PARP2: variants seen among roughly 807,000 people sequenced by gnomAD.
The protein encoded by PARP2 is poly [ADP-ribose] polymerase 2.
A neutral mutation model predicts 77.8 loss-of-function variants in PARP2; 57 were observed. The observed-to-expected ratio is 0.73, with a 90% CI of 0.59 to 0.91. The LOEUF is 0.91. PARP2 is among the 40% of genes least tolerant of loss of function. The pLI, the probability that PARP2 is intolerant of heterozygous loss-of-function variation, is 0.00. For synonymous variants in PARP2, 226 were observed against 242.6 expected (o/e 0.93, Z 0.64); for missense variants, 651 against 689.0 (o/e 0.94, Z 0.62).
chr14:20,344,788 G>T (rs1400492249), intron 1 of PARP2, 144 bp from the exon 2 acceptor site: 6 of 624,994 alleles, frequency 9.6e-6, no homozygotes, highest in South Asian at 8.1e-5. Flanking sequence ...AGTCCAGCCT[G>T]GGCGAGAGAG....
At chr14:20,355,670 T>C in intron 9 of PARP2, 82 bp from the exon 10 acceptor site, 1 of 1,029,790 alleles carries the variant, frequency 9.7e-7, no homozygotes. Flanking sequence ...CTAAAGGACC[T>C]ATCTGTCATT....
chr14:20,347,950 T>C (rs561877003), intron 4 of PARP2, among the ~76,000 whole-genome samples: 14 of 152,054 alleles, frequency 9.2e-5, no homozygotes, highest in Admixed American at 7.9e-4. Context: ...CATAGCCCAC[T>C]GCAACCTTGA....
chr14:20,356,817 T>G, intron 13 of PARP2, 128 bp downstream of exon 13: 3 of 762,212 alleles, frequency 3.9e-6, no homozygotes, highest in Non-Finnish European at 6.8e-6. Flanking sequence ...ACTGATAACC[T>G]TGTCATCTCT....
intron 4 of PARP2, among the ~76,000 whole-genome samples, chr14:20,349,779 A>G (rs925064917): frequency 7.2e-5 from 11 of 152,010 alleles, no homozygotes; most frequent in East Asian, 1.9e-4. Flanking sequence ...GTGAGCAAGC[A>G]GGAGATAGAG....
intron 9 of PARP2, chr14:20,355,283 C>T (rs946256632): frequency 1.4e-5 from 3 of 210,058 alleles, no homozygotes; most frequent in Non-Finnish European, 2.8e-5. Context: ...AACACCATTT[C>T]TGTGAACTCA....
intron 4 of PARP2, among the ~76,000 whole-genome samples, chr14:20,349,014 CCTT>C (rs1237012403): frequency 3.3e-5 from 5 of 149,998 alleles, no homozygotes; most frequent in South Asian, 2.1e-4. Flanking sequence ...GAGCAAAACT[CCTT>C]CTCAAAAAAA....
At chr14:20,352,400 T>G (rs916571615) in intron 7 of PARP2, 53 bp downstream of exon 7, 4 of 1,162,948 alleles carry the variant, frequency 3.4e-6, no homozygotes, top group Non-Finnish European at 5.1e-6. Context: ...TTTATTTTAT[T>G]TTTTAGAGGC....
At chr14:20,351,871 A>T (rs1031844430) in intron 6 of PARP2, among the ~76,000 whole-genome samples, 1 of 140,424 alleles carries the variant, frequency 7.1e-6, no homozygotes, top group African/African-American at 2.4e-5. Flanking sequence ...AAGGAAAGAA[A>T]AAAAGAGAAT....
chr14:20,355,073 A>G, intron 9 of PARP2, 126 bp downstream of exon 9: 2 of 873,854 alleles, frequency 2.3e-6, no homozygotes, highest in South Asian at 1.8e-5. Context: ...ATAGGTACAG[A>G]AACAAAATGA....
At chr14:20,347,575 A>G (rs1358929199) in intron 4 of PARP2, among the ~76,000 whole-genome samples, 2 of 148,192 alleles carry the variant, frequency 1.3e-5, no homozygotes, top group Non-Finnish European at 3.0e-5. Context: ...TGTCTGGCTA[A>G]TTTTTTGGTA....
intron 6 of PARP2, among the ~76,000 whole-genome samples, chr14:20,351,995 C>T (rs1478032664): frequency 6.6e-6 from 1 of 152,206 alleles, no homozygotes; most frequent in Non-Finnish European, 1.5e-5. Context: ...TTTGAAATCT[C>T]AATGGCTTTT....
At chr14:20,357,205 T>C (rs769135421) in intron 14 of PARP2, 56 bp downstream of exon 14, 2 of 1,430,594 alleles carry the variant, frequency 1.4e-6, no homozygotes, top group Middle Eastern at 1.7e-4. Flanking sequence ...TTTTTTCCGA[T>C]GAGAAAAGTT....
At chr14:20,343,938 T>A (rs1290110954) in intron 1 of PARP2, among the ~76,000 whole-genome samples, 1 of 152,136 alleles carries the variant, frequency 6.6e-6, no homozygotes, top group Non-Finnish European at 1.5e-5. Flanking sequence ...GTCATCCAAT[T>A]TACAAAAAGT....
At position 20,344,920 on chromosome 14, in the gene PARP2, C is replaced by G. The variant is rs1883654670; in HGVS notation, c.47-12C>G. On this transcript the variant is annotated splice_polypyrimidine_tract_variant and intron_variant, in intron 1 of 15. Transcript: ENST00000429687. The stretch of plus-strand genomic sequence containing the variant: ...TGTGTACTCATTCTTTGCTAATTTC[C>G]AAATTCTGTAGCATTAAATGAAAGC... 6.3e-7 allele frequency: 1 copy of G among 1,599,302 alleles called. No homozygotes were observed. Among genetic ancestry groups the G allele is most frequent in the Admixed American group, 1.7e-5 (1 of 59,214 alleles).
In PARP2 at chr14:20,352,349, T is replaced by C; in HGVS notation, c.600+2T>C. ...ATGGACTATGCCACCAATACTCAGG[T>C]AACTCTCACTATACTTTTCGAAAGA... On this transcript the variant is annotated splice_donor_variant, in intron 7 of 15. Coordinates refer to ENST00000429687, the MANE Select transcript of PARP2 (RefSeq NM_001042618.2). LOFTEE classifies it high-confidence loss of function. 2 of 1,509,524 alleles carry C rather than the reference T, an allele frequency of 1.3e-6. No individual in the cohort carries two copies. Among genetic ancestry groups the C allele is most frequent in the Non-Finnish European group, 1.8e-6 (2 of 1,086,246 alleles). The allele number at this position is 1,509,524 out of a possible 1,614,324, so 93.5% of individuals were successfully genotyped here.
chr14:20,349,616 A>G (rs1474688524), intron 4 of PARP2, among the ~76,000 whole-genome samples: 5 of 151,616 alleles, frequency 3.3e-5, no homozygotes, highest in Non-Finnish European at 4.4e-5. Context: ...AGAGGTGGCA[A>G]TGAGCGGAGG....
intron 4 of PARP2, among the ~76,000 whole-genome samples, chr14:20,349,194 G>A (rs550184585): frequency 2.6e-5 from 4 of 151,710 alleles, no homozygotes; most frequent in South Asian, 2.1e-4. Flanking sequence ...CAAAAACACC[G>A]GGCATGGGCC....
In PARP2 at chr14:20,356,643, A is replaced by G. The variant is rs373506109; in HGVS notation, c.1283A>G (p.His428Arg). Reference sequence around the variant, plus strand: ...AGTAACTGGGTGGGAATCTTGAGCCATGGGCTTCGAATTGCCCCACCTGAA... The same window carrying G: ...AGTAACTGGGTGGGAATCTTGAGCCGTGGGCTTCGAATTGCCCCACCTGAA... Reference protein sequence around the residue: ...RMSNWVGILSHGLRIAPPEAP... With the variant: ...RMSNWVGILSRGLRIAPPEAP... Residue 428 changes from histidine to arginine, a missense_variant, in exon 13 of 16, where the codon CAT (histidine) becomes CGT (arginine). By Grantham distance (29) the His-to-Arg change is conservative. Coordinates refer to ENST00000429687, the MANE Select transcript of PARP2 (RefSeq NM_001042618.2). 1 of 1,614,180 alleles carries G rather than the reference A, an allele frequency of 6.2e-7. No homozygotes were observed. Among genetic ancestry groups the G allele is most frequent in the Non-Finnish European group, 8.5e-7 (1 of 1,180,006 alleles).
intron 11 of PARP2, 28 bp from the exon 12 acceptor site, chr14:20,356,279 A>G (rs772314683): frequency 3.0e-5 from 49 of 1,613,484 alleles, no homozygotes; most frequent in Non-Finnish European, 3.6e-5. Context: ...TAGAGTCTAC[A>G]TCAGCCTTTT....
Sources: allele counts gnomAD v4.1 joint callset (sites outside exome capture counted in the v4.1 genomes callset), GRCh38; gene constraint gnomAD v4.1.1; transcripts MANE v1.5; gene names NCBI Gene and HGNC (gene_info 2026-07-23, HGNC 2026-07-21).